Variants in CYREN observed in about 807,000 individuals in gnomAD.
The protein encoded by CYREN is cell cycle regulator of non-homologous end joining.
A neutral mutation model predicts 9.7 loss-of-function variants in CYREN; 7 were observed. The ratio of observed to expected loss-of-function variants is 0.72; its 90% CI spans 0.41 to 1.36. The LOEUF is 1.36. CYREN is among the 40% of genes most tolerant of loss of function. The pLI is 0.01. For synonymous variants in CYREN, 76 were observed against 77.9 expected (o/e 0.98, Z 0.13); for missense variants, 215 against 198.1 (o/e 1.09, Z -0.51).
At chr7:135,140,507 G>C (rs2117394513) in intron 2 of CYREN, among the ~76,000 whole-genome samples, 1 of 152,028 alleles carries the variant, frequency 6.6e-6, no homozygotes, top group African/African-American at 2.4e-5. Context: ...ATAATCTGCA[G>C]AGAGATAGTT....
chr7:135,130,091 G>A (rs1262976895), intron 2 of CYREN, among the ~76,000 whole-genome samples: 2 of 152,138 alleles, frequency 1.3e-5, no homozygotes, highest in Non-Finnish European at 2.9e-5. Context: ...AGTTCCCTCA[G>A]TACTACTCCT....
intron 2 of CYREN, among the ~76,000 whole-genome samples, chr7:135,156,073 T>C (rs565421873): frequency 6.6e-6 from 1 of 152,284 alleles, no homozygotes; most frequent in South Asian, 2.1e-4. Context: ...TGCCATCCCA[T>C]TGTTTTCTGG....
intron 2 of CYREN, among the ~76,000 whole-genome samples, chr7:135,138,047 C>T (rs1188240753): frequency 6.6e-6 from 1 of 151,864 alleles, no homozygotes; most frequent in Admixed American, 6.6e-5. Flanking sequence ...CAACATCAGA[C>T]CATAACAACC....
chr7:135,169,160 A>C (rs1033006694), intron 1 of CYREN, 100 bp from the exon 2 acceptor site: 1 of 393,028 alleles, frequency 2.5e-6, no homozygotes, highest in Non-Finnish European at 4.6e-6. Context: ...AAGGCCCAAG[A>C]GACTCAGACG....
downstream of CYREN, among the ~76,000 whole-genome samples, chr7:135,163,629 A>T (rs1173195632): frequency 6.6e-6 from 1 of 152,218 alleles, no homozygotes; most frequent in Non-Finnish European, 1.5e-5. Flanking sequence ...TGGGTGACAG[A>T]GTGAGGCTCC....
At chr7:135,156,327 G>C (rs1438570683) in intron 2 of CYREN, among the ~76,000 whole-genome samples, 2 of 152,052 alleles carry the variant, frequency 1.3e-5, no homozygotes, top group Non-Finnish European at 2.9e-5. Flanking sequence ...TTCCCCCTCA[G>C]AAATACCAAT....
At chr7:135,144,892 C>G (rs1829514985) in intron 2 of CYREN, among the ~76,000 whole-genome samples, 1 of 137,330 alleles carries the variant, frequency 7.3e-6, no homozygotes, top group Non-Finnish European at 1.5e-5. Context: ...GTGATCGTGC[C>G]ACTGCACTCC....
downstream of CYREN, chr7:135,164,967 G>T (rs769019760): frequency 6.2e-7 from 1 of 1,604,046 alleles, no homozygotes; most frequent in Non-Finnish European, 8.5e-7. Flanking sequence ...TCTGAGGGCT[G>T]AGAGGGCTGA....
intron 2 of CYREN, chr7:135,128,820 G>C: frequency 8.6e-7 from 1 of 1,162,264 alleles, no homozygotes; most frequent in Non-Finnish European, 1.3e-6. Flanking sequence ...CTGTGGATGA[G>C]ACAGCTGTGT....
chr7:135,162,869 C>T (rs187980085), downstream of CYREN, among the ~76,000 whole-genome samples: 11 of 152,286 alleles, frequency 7.2e-5, no homozygotes, highest in East Asian at 9.6e-4. Flanking sequence ...TGATTTAAAA[C>T]GGAGTGAAAA....
intron 2 of CYREN, chr7:135,148,025 G>A: frequency 2.2e-6 from 1 of 456,000 alleles, no homozygotes; most frequent in Non-Finnish European, 4.4e-6. Flanking sequence ...AAACGAAAGT[G>A]AAATCAGCTG....
intron 2 of CYREN, among the ~76,000 whole-genome samples, chr7:135,149,853 T>C (rs941177181): frequency 1.3e-5 from 2 of 152,240 alleles, no homozygotes; most frequent in African/African-American, 4.8e-5. Flanking sequence ...GTAATGTTTT[T>C]TGACAGTTTG....
chr7:135,164,351 A>G (rs1830025661), downstream of CYREN: 2 of 1,297,154 alleles, frequency 1.5e-6, no homozygotes, highest in South Asian at 1.4e-5. Flanking sequence ...AAGGGAGAAC[A>G]TGAGCTTGTC....
chr7:135,168,024 T>C (rs2117521772), intron 2 of CYREN: 1 of 705,144 alleles, frequency 1.4e-6, no homozygotes, highest in Non-Finnish European at 2.3e-6. Flanking sequence ...CCGGGGTGCC[T>C]CCCACCCTCC....
chr7:135,130,599 T>C (rs1167299361), intron 2 of CYREN, among the ~76,000 whole-genome samples: 2 of 151,786 alleles, frequency 1.3e-5, no homozygotes, highest in Non-Finnish European at 2.9e-5. Context: ...AGCTTAATAA[T>C]ATATTAATTT....
chr7:135,115,840 T>TA, intron 2 of CYREN: 1 of 449,560 alleles, frequency 2.2e-6, no homozygotes, highest in Non-Finnish European at 4.0e-6. Context: ...AACTACTCAT[T>TA]AATTTAGATC....
intron 2 of CYREN, among the ~76,000 whole-genome samples, chr7:135,125,663 G>A (rs1827776011): frequency 6.6e-6 from 1 of 152,070 alleles, no homozygotes. Context: ...CTGGCAAACC[G>A]AATCCAGCAG....
intron 2 of CYREN, among the ~76,000 whole-genome samples, chr7:135,116,284 AT>A (rs372608713): frequency 1.3e-5 from 2 of 152,324 alleles, no homozygotes; most frequent in East Asian, 3.9e-4. Context: ...CTGGAGTCAA[AT>A]CCACCTAGAC....
chr7:135,147,453 T>C lies in CYREN; in HGVS notation n.356+21296A>G, dbSNP rs539881040. Among the ~76,000 whole-genome samples, 43 of 152,336 alleles carry C rather than the reference T, an allele frequency of 2.8e-4. No homozygotes were observed. In the South Asian group the frequency reaches 4.3e-3, roughly 15 times the overall value. On this transcript the variant is annotated intron_variant and non_coding_transcript_variant, in intron 2 of 2. Coordinates refer to the CYREN transcript ENST00000459937. ...TTTAACCCACAGTTGAAATTTCCAG[T>C]TGGTCATGTGAGCAACGGAAGCAAT...
Sources: gnomAD v4.1 joint callset for allele counts (sites outside exome capture counted in the v4.1 genomes callset) on GRCh38, gnomAD v4.1.1 for gene constraint, MANE v1.5 for transcripts, NCBI Gene and HGNC (gene_info 2026-07-23, HGNC 2026-07-21) for gene names.